Variants in DNTTIP2 observed in about 807,000 individuals in gnomAD.
DNTTIP2 encodes the protein deoxynucleotidyltransferase terminal interacting protein 2, also known as deoxynucleotidyltransferase terminal-interacting protein 2.
In DNTTIP2, 47 loss-of-function variants were observed where a neutral mutation model predicts 62.4. The ratio of observed to expected loss-of-function variants is 0.75; its 90% CI spans 0.60 to 0.96. The LOEUF is 0.96. DNTTIP2 is among the 40% of genes least tolerant of loss of function. The probability of loss-of-function intolerance (pLI) is 0.00; values close to 1 mark genes in which losing one functional copy is unlikely to be tolerated. For synonymous variants in DNTTIP2, 322 were observed against 300.9 expected (o/e 1.07, Z -0.73); for missense variants, 870 against 849.1 (o/e 1.02, Z -0.31).
intron 2 of DNTTIP2, among the ~76,000 whole-genome samples, chr1:93,876,018 C>T (rs939182736): frequency 1.9e-4 from 20 of 106,994 alleles, no homozygotes; most frequent in African/African-American, 6.4e-4. Flanking sequence ...GGATGGAGTG[C>T]AGTAGTGACC....
In DNTTIP2 at chr1:93,866,720, G is replaced by A. The variant is rs562263121; in HGVS notation, c.*3131C>T. ...CCCAGGTTTCAGAAGAGGAATATTG[G>A]TGTTTCTCTAGAGCAGTTGGTTTAT... is the stretch of plus-strand genomic sequence containing the variant. On this transcript the variant is annotated 3_prime_UTR_variant, in exon 7 of 7. Transcript: ENST00000436063. 5.9e-5 allele frequency: 9 copies of A among 152,286 alleles called. 1 individual carries two copies. Among genetic ancestry groups the A allele is most frequent in the African/African-American group, 1.9e-4 (8 of 41,534 alleles). The allele number at this position is 152,286 out of a possible 1,614,324, so 9.4% of individuals were successfully genotyped here. A position where few individuals can be genotyped will look rare whatever the true frequency, so the allele number is the denominator to read the frequency against.
rs760541662 is a variant in DNTTIP2, at chr1:93,879,065, TG to T, written c.72+11del. 9 of 1,613,444 alleles carry T rather than the reference TG, an allele frequency of 5.6e-6. No individual in the cohort carries two copies. The highest frequency in any genetic ancestry group is 5.9e-6 in the Non-Finnish European group (7 of 1,179,808). ...CGAAGCGGCGAGAAGTAGGGAAGAC[TG>T]GATTTCCTACCTTTTGCCCGGAACT... On this transcript the variant is annotated intron_variant, in intron 1 of 6. Transcript: ENST00000436063.
chr1:93,873,761 A>G (rs916314568), intron 3 of DNTTIP2, among the ~76,000 whole-genome samples: 1 of 152,240 alleles, frequency 6.6e-6, no homozygotes, highest in Admixed American at 6.5e-5. Flanking sequence ...AGAAAACGCC[A>G]TTTCTCCAAA....
chr1:93,871,969 CA>C, intron 5 of DNTTIP2, 102 bp downstream of exon 5: 1 of 1,306,680 alleles, frequency 7.7e-7, no homozygotes, highest in South Asian at 1.4e-5. Flanking sequence ...TAGGCATGCA[CA>C]ATGGAAATAT....
At chr1:93,877,948 C>G in intron 1 of DNTTIP2, 86 bp from the exon 2 acceptor site, 1 of 1,450,888 alleles carries the variant, frequency 6.9e-7, no homozygotes, top group Non-Finnish European at 9.0e-7. Context: ...AAAGCTAAAA[C>G]CCAGTAAACA....
Position 93,869,826 on chromosome 1 carries a change from A to G in DNTTIP2, c.*25T>C, listed in dbSNP as rs1655811207. The G allele has an allele frequency of 1.3e-6, 1 of 777,160 alleles. No individual in the cohort carries two copies. The highest frequency in any genetic ancestry group is 2.4e-6 in the Non-Finnish European group (1 of 416,314). The allele number at this position is 777,160 out of a possible 1,614,324, so 48.1% of individuals were successfully genotyped here. A position where few individuals can be genotyped will look rare whatever the true frequency, so the allele number is the denominator to read the frequency against. On this transcript the variant is annotated 3_prime_UTR_variant, in exon 7 of 7. Coordinates refer to ENST00000436063, the MANE Select transcript of DNTTIP2 (RefSeq NM_014597.5). ...ATAAGTAAATAAAGGAGCAATGTAA[A>G]ATGTTGCAGTTTGCTTGGTAAATCT...
chr1:93,873,350 A>G, intron 3 of DNTTIP2, 136 bp from the exon 4 acceptor site: 1 of 569,836 alleles, frequency 1.8e-6, no homozygotes, highest in Non-Finnish European at 3.1e-6. Context: ...TAGTGCTTTG[A>G]GGAGGCCAAG....
intron 3 of DNTTIP2, among the ~76,000 whole-genome samples, chr1:93,874,596 G>T (rs1487124784): frequency 6.6e-6 from 1 of 152,160 alleles, no homozygotes; most frequent in Non-Finnish European, 1.5e-5. Context: ...TGACAGCTGG[G>T]TGGGGTAGAG....
At position 93,876,641 on chromosome 1, in the gene DNTTIP2, T is replaced by C; in HGVS notation, c.1294A>G (p.Asn432Asp). 1 of 1,614,030 alleles carries C rather than the reference T, an allele frequency of 6.2e-7. No individual in the cohort carries two copies. The highest frequency in any genetic ancestry group is 8.5e-7 in the Non-Finnish European group (1 of 1,179,890). The change falls in exon 2 of 7, where the codon AAC (asparagine) becomes GAC (aspartate). Residue 432 changes from asparagine (N) to aspartate (D), a missense_variant. Physicochemically the swap from Asn to Asp is conservative, Grantham distance 23. Transcript: ENST00000436063. ...GAATTATCTTTACCCTGAGATGTGT[T>C]GGGCGCAGACGTGTATAGTTTGGTA... is the stretch of plus-strand genomic sequence containing the variant. ...CDTKLYTSAP[N>D]TSQGKDNSVL...
At chr1:93,870,907 C>A in intron 5 of DNTTIP2, 115 bp from the exon 6 acceptor site, 1 of 468,198 alleles carries the variant, frequency 2.1e-6, no homozygotes, top group South Asian at 6.7e-5. Context: ...TTACATTACA[C>A]TAATAGTAAT....
chr1:93,876,168 G>GC, intron 2 of DNTTIP2, 100 bp downstream of exon 2: 1 of 1,130,596 alleles, frequency 8.8e-7, no homozygotes, highest in Non-Finnish European at 1.2e-6. Flanking sequence ...CCAAGGCAGT[G>GC]ATTTTCTCAT....
intron 3 of DNTTIP2, among the ~76,000 whole-genome samples, chr1:93,873,747 C>A (rs1471487905): frequency 2.6e-5 from 4 of 152,154 alleles, no homozygotes; most frequent in Non-Finnish European, 5.9e-5. Context: ...GCCTGGGTAA[C>A]ATAAGAAAAC....
At chr1:93,873,249 C>T in intron 3 of DNTTIP2, 35 bp from the exon 4 acceptor site, 1 of 1,487,068 alleles carries the variant, frequency 6.7e-7, no homozygotes, top group Non-Finnish European at 9.3e-7. Context: ...AAAATAATGT[C>T]AGAATGTTAT....
intron 3 of DNTTIP2, 122 bp from the exon 4 acceptor site, chr1:93,873,336 A>G (rs1441990559): frequency 1.4e-6 from 1 of 694,662 alleles, no homozygotes; most frequent in Non-Finnish European, 2.4e-6. Context: ...CACACCTATA[A>G]TCCTAGTGCT....
rs377355673 is a variant in DNTTIP2 at position 93,875,684 on chromosome 1, C to T, written c.1767G>A (p.Lys589=). The T allele has an allele frequency of 6.8e-6, 11 of 1,613,230 alleles. No homozygotes were observed. The highest frequency in any genetic ancestry group is 8.5e-6 in the Non-Finnish European group (10 of 1,179,710). Residue 589 remains lysine (K), a synonymous_variant, in exon 3 of 7, where the codon AAG becomes AAA. Coordinates refer to ENST00000436063, the MANE Select transcript of DNTTIP2 (RefSeq NM_014597.5). The stretch of plus-strand genomic sequence containing the variant: ...TCTCCTTGATCTGTGTTAGGGTTCT[C>T]TTGTTAGACTGTAGTTTATCTGCAT... ...NFNADKLQSN[K]RTLTQIKEKK... is the part of the protein sequence containing the mutation.
In DNTTIP2 at chr1:93,866,658, T is replaced by C. The variant is rs1431786039; in HGVS notation, c.*3193A>G. 1 of 152,226 alleles carries C rather than the reference T, an allele frequency of 6.6e-6. No individual in the cohort carries two copies. Among genetic ancestry groups the C allele is most frequent in the Non-Finnish European group, 1.5e-5 (1 of 68,058 alleles). 9.4% of individuals were successfully genotyped at this position (152,226 alleles called of 1,614,324 possible). A position where few individuals can be genotyped will look rare whatever the true frequency, so the allele number is the denominator to read the frequency against. On this transcript the variant is annotated 3_prime_UTR_variant, in exon 7 of 7. Transcript: ENST00000436063. Reference sequence around the variant, plus strand: ...TAGCCTCCCCACTCCCCACTCCTTTTGTGACATCTAGTTATGGGACCCAAA... The same window carrying C: ...TAGCCTCCCCACTCCCCACTCCTTTCGTGACATCTAGTTATGGGACCCAAA...
Position 93,877,875 on chromosome 1 carries a change from GAAAACACAC to G in DNTTIP2, c.73-22_73-14del. 6.3e-7 allele frequency: 1 copy of G among 1,594,728 alleles called. No individual in the cohort carries two copies. The highest frequency in any genetic ancestry group is 1.1e-5 in the South Asian group (1 of 90,364). On this transcript the variant is annotated splice_polypyrimidine_tract_variant and intron_variant, in intron 1 of 6. Coordinates refer to ENST00000436063, the MANE Select transcript of DNTTIP2 (RefSeq NM_014597.5). The stretch of plus-strand genomic sequence containing the variant: ...TAGCAGCAAAACTCTGCAAACCAGA[GAAAACACAC>G]TGTAATTTAGGTAGGGCTGGAACAA...
intron 5 of DNTTIP2, 24 bp from the exon 6 acceptor site, chr1:93,870,816 G>A: frequency 7.5e-7 from 1 of 1,332,912 alleles, no homozygotes; most frequent in Non-Finnish European, 1.0e-6. Flanking sequence ...ATTGAAATAA[G>A]TCATGCATTG....
rs1656008809 is a variant in DNTTIP2 at position 93,876,478 on chromosome 1, T to C, written c.1457A>G (p.Asn486Ser). 5.0e-6 allele frequency: 8 copies of C among 1,613,994 alleles called. No individual in the cohort carries two copies. The East Asian group carries it at 6.7e-5, about 13-fold the overall frequency. The change falls in exon 2 of 7, where the codon AAT (asparagine) becomes AGT (serine). Residue 486 changes from asparagine (N) to serine (S), a missense_variant. Coordinates refer to ENST00000436063, the MANE Select transcript of DNTTIP2 (RefSeq NM_014597.5). ...AGTTGTGTCAATTACAAACAATGCA[T>C]TGTCACATGACAGACTTCCTGTGTC... ...SGDTGSLSCD[N>S]ALFVIDTTPG...
Sources: gnomAD v4.1 joint callset for allele counts (sites outside exome capture counted in the v4.1 genomes callset) on GRCh38, gnomAD v4.1.1 for gene constraint, MANE v1.5 for transcripts, NCBI Gene and HGNC (gene_info 2026-07-23, HGNC 2026-07-21) for gene names.